DHX40: variants seen among roughly 807,000 people sequenced by gnomAD.
DHX40 encodes the protein probable ATP-dependent RNA helicase DHX40.
In DHX40, 28 loss-of-function variants were observed where a neutral mutation model predicts 89.6. The observed-to-expected ratio is 0.31, with a 90% confidence interval of 0.23 to 0.43. The LOEUF (loss-of-function observed/expected upper bound fraction) is 0.43, where lower values mean the gene tolerates loss of function less well. Among genes scored for constraint, DHX40 ranks in the 20% least tolerant of loss-of-function variants. The pLI is 1.00. For synonymous variants in DHX40, 226 were observed against 283.6 expected (o/e 0.80, Z 2.04); for missense variants, 457 against 844.0 (o/e 0.54, Z 5.68).
chr17:59,568,678 G>A (rs770817546), intron 2 of DHX40, among the ~76,000 whole-genome samples: 9 of 151,984 alleles, frequency 5.9e-5, no homozygotes, highest in Non-Finnish European at 1.2e-4. Context: ...TCAAAGTACT[G>A]TAACATTTTT....
At position 59,590,002 on chromosome 17, in the gene DHX40, C is replaced by T. The variant is rs1483591247; in HGVS notation, c.1582+1949C>T. On this transcript the variant is annotated intron_variant, in intron 12 of 17. Transcript: ENST00000251241. ...TTGGGATTGCAGGCATGAGCCACCA[C>T]GCCCAGCCCGGCGTTAATTTCCTTT... Among the ~76,000 whole-genome samples, 4 of 151,582 alleles carry T rather than the reference C, an allele frequency of 2.6e-5. 1 individual carries two copies. Among genetic ancestry groups the T allele is most frequent in the East Asian group, 1.9e-4 (1 of 5,188 alleles).
chr17:59,588,967 C>G (rs1485163397), intron 12 of DHX40, among the ~76,000 whole-genome samples: 2 of 152,054 alleles, frequency 1.3e-5, no homozygotes, highest in East Asian at 1.9e-4. Flanking sequence ...GCCTTCGCTT[C>G]TTTGTTAAAT....
chr17:59,591,989 C>T (rs1810213768), intron 12 of DHX40, among the ~76,000 whole-genome samples: 1 of 151,768 alleles, frequency 6.6e-6, no homozygotes, highest in South Asian at 2.1e-4. Flanking sequence ...CCACCTCAGC[C>T]TCCTTAGTAG....
At chr17:59,600,387 T>C (rs1470986426) in intron 14 of DHX40, among the ~76,000 whole-genome samples, 4 of 151,998 alleles carry the variant, frequency 2.6e-5, no homozygotes, top group Non-Finnish European at 5.9e-5. Context: ...TAAGAACTTA[T>C]CATTGACATT....
intron 1 of DHX40, among the ~76,000 whole-genome samples, 164 bp downstream of exon 1, chr17:59,565,947 T>G (rs920275738): frequency 2.0e-5 from 3 of 150,488 alleles, no homozygotes; most frequent in Non-Finnish European, 3.0e-5. Flanking sequence ...AATGAGCACT[T>G]TGCCTTAGAG....
At position 59,573,872 on chromosome 17, in the gene DHX40, A is replaced by G. The variant is rs2048845435; in HGVS notation, c.679A>G (p.Ile227Val). 6 of 1,612,122 alleles carry G rather than the reference A, an allele frequency of 3.7e-6. No homozygotes were observed. The highest frequency in any genetic ancestry group is 2.7e-5 in the African/African-American group (2 of 74,474). ...KLSAFFGNCP[I>V]FDIPGRLYPV... ...CTCTGCATTCTTTGGAAATTGTCCA[A>G]TATTTGATATACCTGGAAGGCTTTA... Residue 227 changes from isoleucine (I) to valine (V), a missense_variant, in exon 5 of 18, where the codon ATA becomes GTA. Ile to Val is a conservative substitution (Grantham distance 29, BLOSUM62 3). This residue lies in a region of DHX40 where 116 missense variants were observed against 188.9 expected (regional missense o/e 0.61). Transcript: ENST00000251241.
At chr17:59,570,249 T>C (rs942259927) in intron 2 of DHX40, among the ~76,000 whole-genome samples, 4 of 128,270 alleles carry the variant, frequency 3.1e-5, no homozygotes, top group African/African-American at 1.2e-4. Flanking sequence ...ATATATATAA[T>C]ATATAAATAT....
chr17:59,581,380 T>A (rs1158152063), intron 10 of DHX40, among the ~76,000 whole-genome samples: 3 of 57,520 alleles, frequency 5.2e-5, no homozygotes, highest in Non-Finnish European at 9.9e-5. Context: ...TTCTTTATTT[T>A]GGTCTTAATT....
At chr17:59,602,839 G>T (rs1567900629) in intron 15 of DHX40, among the ~76,000 whole-genome samples, 1 of 152,104 alleles carries the variant, frequency 6.6e-6, no homozygotes, top group Non-Finnish European at 1.5e-5. Flanking sequence ...TTTGTAGGGT[G>T]GCTGTCCAGC....
chr17:59,578,115 A>C (rs1188149659), intron 8 of DHX40, among the ~76,000 whole-genome samples: 1 of 151,784 alleles, frequency 6.6e-6, no homozygotes, highest in Non-Finnish European at 1.5e-5. Flanking sequence ...ACTAATGCAA[A>C]GTTCTTTAAG....
chr17:59,568,223 G>C (rs2048735878), intron 2 of DHX40, among the ~76,000 whole-genome samples: 1 of 152,058 alleles, frequency 6.6e-6, no homozygotes, highest in South Asian at 2.1e-4. Context: ...GTGAGACTCT[G>C]TGTCAAAAAA....
At chr17:59,566,844 T>TAAA in intron 2 of DHX40, 50 bp downstream of exon 2, 1 of 1,492,890 alleles carries the variant, frequency 6.7e-7, no homozygotes, top group Non-Finnish European at 8.9e-7. Context: ...AATATCCTCT[T>TAAA]TTTAAAGGCC....
intron 12 of DHX40, among the ~76,000 whole-genome samples, chr17:59,596,596 C>T (rs547235572): frequency 6.6e-6 from 1 of 152,206 alleles, no homozygotes; most frequent in East Asian, 1.9e-4. Context: ...AAATTAGTCT[C>T]CCGGAGCAGT....
chr17:59,591,314 AAAAG>A (rs1343900119), intron 12 of DHX40, among the ~76,000 whole-genome samples: 1 of 150,440 alleles, frequency 6.6e-6, no homozygotes. Flanking sequence ...CCAAAAAGAA[AAAAG>A]AAAGAAAGAA....
rs1406924999 is a variant in DHX40 at position 59,569,094 on chromosome 17, T to C, written c.281-1424T>C. On this transcript the variant is annotated intron_variant, in intron 2 of 17. Coordinates refer to ENST00000251241, the MANE Select transcript of DHX40 (RefSeq NM_024612.5). ...CTGTGATCCCAGCACATTGGGAGGC[T>C]GAGGCAGATGGATCACTTGAGGTCA... 2.6e-3 allele frequency among the ~76,000 whole-genome samples: 396 copies of C among 152,164 alleles called. 1 individual carries two copies. The highest frequency in any genetic ancestry group is 8.5e-3 in the African/African-American group (353 of 41,536).
chr17:59,602,032 C>T (rs1182246518), intron 14 of DHX40, among the ~76,000 whole-genome samples: 1 of 152,188 alleles, frequency 6.6e-6, no homozygotes, highest in Non-Finnish European at 1.5e-5. Context: ...CTGGTAGTTT[C>T]CTCACATTCA....
intron 1 of DHX40, among the ~76,000 whole-genome samples, chr17:59,566,072 A>G (rs1189916377): frequency 6.6e-6 from 1 of 151,888 alleles, no homozygotes; most frequent in Non-Finnish European, 1.5e-5. Context: ...TTTGTTCTCT[A>G]CCCATTCATC....
At chr17:59,581,155 C>T (rs2048941639) in intron 10 of DHX40, among the ~76,000 whole-genome samples, 1 of 146,432 alleles carries the variant, frequency 6.8e-6, no homozygotes, top group African/African-American at 2.6e-5. Flanking sequence ...CAGCATCATA[C>T]TATATACCAT....
Position 59,602,545 on chromosome 17 carries a change from C to A in DHX40, c.1830C>A (p.Thr610=). The A allele has an allele frequency of 6.2e-7, 1 of 1,613,516 alleles. No individual in the cohort carries two copies. Among genetic ancestry groups the A allele is most frequent in the Admixed American group, 1.7e-5 (1 of 59,966 alleles). ...LKQQSDFPKE[T]FEGPKHEVLR... is the part of the protein sequence containing the mutation. ...AGCAAAGTGATTTCCCAAAAGAGAC[C>A]TTTGAAGGCCCTAAACATGAAGTAC... Residue 610 remains threonine (T), a synonymous_variant, in exon 15 of 18, where the codon ACC becomes ACA. Transcript: ENST00000251241.
Sources: allele counts gnomAD v4.1 joint callset (sites outside exome capture counted in the v4.1 genomes callset), GRCh38; gene constraint gnomAD v4.1.1; regional missense constraint gnomAD v4.1.1; transcripts MANE v1.5; gene names NCBI Gene and HGNC (gene_info 2026-07-23, HGNC 2026-07-21).